ACADVL: variants seen among roughly 807,000 people sequenced by gnomAD.
ACADVL encodes the protein acyl-CoA dehydrogenase very long chain.
In ACADVL, 73 loss-of-function variants were observed where a neutral mutation model predicts 80.4. The ratio of observed to expected loss-of-function variants is 0.91; its 90% CI spans 0.75 to 1.10. ACADVL has a LOEUF of 1.10. Ranked by LOEUF, ACADVL falls within the 50% of genes least tolerant of loss-of-function variation. The pLI, the probability that ACADVL is intolerant of heterozygous loss-of-function variation, is 0.00. For missense variants in ACADVL, 878 were observed against 858.9 expected, an observed-to-expected ratio of 1.02 and a Z score of -0.28; for synonymous variants, 392 against 326.5, an observed-to-expected ratio of 1.20 and a Z score of -2.16.
rs769885223 is a variant in ACADVL at position 7,225,024 on chromosome 17, G to A, written c.1895G>A (p.Arg632His). 3.7e-6 allele frequency: 6 copies of A among 1,614,066 alleles called. No individual in the cohort carries two copies. The highest frequency in any genetic ancestry group is 1.1e-5 in the South Asian group (1 of 91,080). ...GACCCCTGGCAGCAAGAGCTCTACC[G>A]CAACTTCAAAAGCATCTCCAAGGCC... ...QSDPWQQELY[R>H]NFKSISKALV... Residue 632 changes from arginine to histidine, a missense_variant, in exon 20 of 20, where the codon CGC becomes CAC. Arg to His is a conservative substitution (Grantham distance 29, BLOSUM62 0). Coordinates refer to ENST00000356839, the MANE Select transcript of ACADVL (RefSeq NM_000018.4).
At position 7,224,863 on chromosome 17, in the gene ACADVL, C is replaced by G. The variant is rs772124122; in HGVS notation, c.1806C>G (p.Leu602=). Residue 602 remains leucine (L), a synonymous_variant, in exon 19 of 20, where the codon CTC becomes CTG. Transcript: ENST00000356839. ...GHPTAQHEKM[L]CDTWCIEAAA... ...CCACGGCCCAGCATGAGAAAATGCT[C>G]TGTGACACCTGGTGTATCGAGGTGA... 8.7e-6 allele frequency: 14 copies of G among 1,614,122 alleles called. No individual in the cohort carries two copies. The highest frequency in any genetic ancestry group is 1.2e-5 in the Non-Finnish European group (14 of 1,180,028).
chr17:7,224,636 G>T lies in ACADVL; in HGVS notation c.1679-6G>T. 2.7e-5 allele frequency: 11 copies of T among 404,744 alleles called. No individual in the cohort carries two copies. The highest frequency in any genetic ancestry group is 3.7e-5 in the Non-Finnish European group (11 of 300,140). The allele number at this position is 404,744 out of a possible 1,614,324, so 25.1% of individuals were successfully genotyped here. A position where few individuals can be genotyped will look rare whatever the true frequency, so the allele number is the denominator to read the frequency against. ...CACCCCCACCCCCACCCCACCTACCGGACAGATGAACAGTTTCTGCTGCAG... is the reference window on the plus strand; with the variant it reads ...CACCCCCACCCCCACCCCACCTACCTGACAGATGAACAGTTTCTGCTGCAG... On this transcript the variant is annotated splice_polypyrimidine_tract_variant and splice_region_variant and intron_variant, in intron 17 of 19. Transcript: ENST00000356839.
chr17:7,224,940 T>G lies in ACADVL; in HGVS notation c.1828-17T>G, dbSNP rs368415426. ...GGGCTGGAGGTGCAGGCCCAACCCC[T>G]CCTTCCCTCTCCCCAGGCTGCAGCT... On this transcript the variant is annotated splice_polypyrimidine_tract_variant and intron_variant, in intron 19 of 19. Coordinates refer to ENST00000356839, the MANE Select transcript of ACADVL (RefSeq NM_000018.4). 4.3e-6 allele frequency: 7 copies of G among 1,613,758 alleles called. No homozygotes were observed. In the African/African-American group the frequency reaches 9.4e-5, roughly 22 times the overall value.
At position 7,224,680 on chromosome 17, in the gene ACADVL, A is replaced by G. The variant is rs935176246; in HGVS notation, c.1717A>G (p.Ile573Val). The G allele has an allele frequency of 1.5e-6, 2 of 1,344,596 alleles. No individual in the cohort carries two copies. Among genetic ancestry groups the G allele is most frequent in the Non-Finnish European group, 2.0e-6 (2 of 1,021,532 alleles). The allele number at this position is 1,344,596 out of a possible 1,614,324, so 83.3% of individuals were successfully genotyped here. ...GCTGCAGCGGCTGGCAGACGGGGCC[A>G]TCGACCTCTATGCCATGGTGGTGGT... is the stretch of plus-strand genomic sequence containing the variant. ...FLLQRLADGA[I>V]DLYAMVVVLS... The change falls in exon 18 of 20, where the codon ATC becomes GTC. Residue 573 changes from isoleucine (I) to valine (V), a missense_variant. By Grantham distance (29) the Ile-to-Val change is conservative. Coordinates refer to ENST00000356839, the MANE Select transcript of ACADVL (RefSeq NM_000018.4).
chr17:7,224,880 T>C lies in ACADVL; in HGVS notation c.1823T>C (p.Ile608Thr). 6.2e-7 allele frequency: 1 copy of C among 1,614,022 alleles called. No individual in the cohort carries two copies. The highest frequency in any genetic ancestry group is 8.5e-7 in the Non-Finnish European group (1 of 1,180,012). The change falls in exon 19 of 20, where the codon ATC (isoleucine) becomes ACC (threonine). Residue 608 changes from isoleucine (I) to threonine (T), a missense_variant. By Grantham distance (89) the Ile-to-Thr change is moderately conservative. Transcript: ENST00000356839. ...AAAATGCTCTGTGACACCTGGTGTA[T>C]CGAGGTGAGACTCGGGGCTGCCAAG... ...HEKMLCDTWC[I>T]EAAARIREGM... is the part of the protein sequence containing the mutation.
rs772517697 is a variant in ACADVL, at chr17:7,222,164, C to A, written c.753-13C>A. On this transcript the variant is annotated splice_polypyrimidine_tract_variant and intron_variant, in intron 8 of 19. Coordinates refer to ENST00000356839, the MANE Select transcript of ACADVL (RefSeq NM_000018.4). ...CCCGTCCTCCACGCCCTGAATATCCCATTCTTCCACAGTAATGGGGGCCTA... is the reference window on the plus strand; with the variant it reads ...CCCGTCCTCCACGCCCTGAATATCCAATTCTTCCACAGTAATGGGGGCCTA... The A allele has an allele frequency of 1.2e-6, 2 of 1,614,190 alleles. No individual in the cohort carries two copies. The highest frequency in any genetic ancestry group is 1.7e-6 in the Non-Finnish European group (2 of 1,180,042).
upstream of ACADVL, chr17:7,217,860 G>A (rs1310507949): frequency 6.6e-7 from 1 of 1,521,034 alleles, no homozygotes; most frequent in African/African-American, 1.4e-5. Flanking sequence ...CTATAGTTGG[G>A]CTGGGAGCAC....
intron 9 of ACADVL, 38 bp downstream of exon 9, chr17:7,222,340 G>A (rs767634134): frequency 2.1e-5 from 34 of 1,605,440 alleles, no homozygotes; most frequent in East Asian, 1.3e-4. Flanking sequence ...AGGACTGAGG[G>A]GCAGGACTGG....
chr17:7,220,305 G>A (rs2071132395), intron 2 of ACADVL, 108 bp downstream of exon 2: 5 of 1,503,744 alleles, frequency 3.3e-6, no homozygotes, highest in South Asian at 1.2e-5. Context: ...CTACTGCTCA[G>A]TCGCCGAAAG....
chr17:7,223,855 G>C lies in ACADVL; in HGVS notation c.1312G>C (p.Gly438Arg). The change falls in exon 13 of 20, where the codon GGG becomes CGG. Residue 438 changes from glycine to arginine, a missense_variant. Gly to Arg is a moderately radical substitution (Grantham distance 125). Coordinates refer to ENST00000356839, the MANE Select transcript of ACADVL (RefSeq NM_000018.4). ...KVTDECIQIM[G>R]GMGFMKEPGV... ...GACAGATGAATGCATCCAAATCATGGGGGGTATGGGCTTCATGAAGGTACA... is the reference window on the plus strand; with the variant it reads ...GACAGATGAATGCATCCAAATCATGCGGGGTATGGGCTTCATGAAGGTACA... The C allele has an allele frequency of 1.2e-6, 2 of 1,614,102 alleles. No homozygotes were observed. Among genetic ancestry groups the C allele is most frequent in the Non-Finnish European group, 8.5e-7 (1 of 1,180,026 alleles).
Position 7,222,844 on chromosome 17 carries a change from G to A in ACADVL, c.1056G>A (p.Met352Ile). 1 of 1,612,744 alleles carries A rather than the reference G, an allele frequency of 6.2e-7. No homozygotes were observed. Among genetic ancestry groups the A allele is most frequent in the East Asian group, 2.2e-5 (1 of 44,884 alleles). The change falls in exon 10 of 20, where the codon ATG becomes ATA. Residue 352 changes from methionine to isoleucine, a missense_variant. Transcript: ENST00000356839. ...FGMAAALAGT[M>I]RGIIAKAVDH... ...TGGCTGCGGCCCTGGCAGGTACCATGAGAGGCATCATTGCTAAGGCGGTGA... is the reference window on the plus strand; with the variant it reads ...TGGCTGCGGCCCTGGCAGGTACCATAAGAGGCATCATTGCTAAGGCGGTGA...
upstream of ACADVL, chr17:7,217,556 TGGGGTG>T: frequency 2.1e-5 from 2 of 95,728 alleles, no homozygotes; most frequent in Non-Finnish European, 1.2e-5. Context: ...GGCGGGGGAG[TGGGGTG>T]GGGGGGTTGG....
chr17:7,218,954 G>A (rs2071061403), upstream of ACADVL: 8 of 1,261,574 alleles, frequency 6.3e-6, no homozygotes, highest in Non-Finnish European at 9.1e-6. Flanking sequence ...TCTCTGAGCC[G>A]ACCAGCTGTC....
At chr17:7,217,843 G>A (rs748580499), upstream of ACADVL, 5 of 1,532,166 alleles carry the variant, frequency 3.3e-6, no homozygotes, top group South Asian at 3.6e-5. Flanking sequence ...CTTAGAGAAG[G>A]AAGCATCTAT....
chr17:7,223,277 C>G (rs2071319216), intron 11 of ACADVL, 40 bp downstream of exon 11: 4 of 1,563,878 alleles, frequency 2.6e-6, no homozygotes, highest in Non-Finnish European at 2.6e-6. Flanking sequence ...AGCCCTGGGG[C>G]TTTCTTCCCA....
At chr17:7,217,719 C>G, upstream of ACADVL, 1 of 1,534,582 alleles carries the variant, frequency 6.5e-7, no homozygotes, top group Non-Finnish European at 8.7e-7. Context: ...CTGGCAGGAA[C>G]CCGGATAATG....
In ACADVL at chr17:7,222,165, A is replaced by G; in HGVS notation, c.753-12A>G. The G allele has an allele frequency of 6.2e-7, 1 of 1,613,992 alleles. No homozygotes were observed. The highest frequency in any genetic ancestry group is 8.5e-7 in the Non-Finnish European group (1 of 1,179,986). ...CCGTCCTCCACGCCCTGAATATCCCATTCTTCCACAGTAATGGGGGCCTAG... is the reference window on the plus strand; with the variant it reads ...CCGTCCTCCACGCCCTGAATATCCCGTTCTTCCACAGTAATGGGGGCCTAG... On this transcript the variant is annotated splice_polypyrimidine_tract_variant and intron_variant, in intron 8 of 19. Coordinates refer to ENST00000356839, the MANE Select transcript of ACADVL (RefSeq NM_000018.4).
Position 7,224,099 on chromosome 17 carries a change from G to A in ACADVL, c.1434+30G>A, listed in dbSNP as rs755525140. The A allele has an allele frequency of 1.3e-5, 21 of 1,613,854 alleles. No homozygotes were observed. The South Asian group carries it at 2.2e-4, about 17-fold the overall frequency. ...GACAGAGAATTGGGTGGGGGTAGAG[G>A]TGGGGAGGACAGTGAGTCCTGACTG... On this transcript the variant is annotated intron_variant, in intron 14 of 19. Coordinates refer to ENST00000356839, the MANE Select transcript of ACADVL (RefSeq NM_000018.4).
At chr17:7,221,869 G>T in intron 7 of ACADVL, 83 bp from the exon 8 acceptor site, 1 of 1,608,998 alleles carries the variant, frequency 6.2e-7, no homozygotes, top group South Asian at 1.1e-5. Flanking sequence ...AGGGGGAACT[G>T]CCTGCTGGAG....
Sources: allele counts gnomAD v4.1 joint callset, GRCh38; gene constraint gnomAD v4.1.1; transcripts MANE v1.5; gene names NCBI Gene and HGNC (gene_info 2026-07-23, HGNC 2026-07-21).